The following MIPOL1 variants were observed in gnomAD, a reference collection of about 807,000 sequenced individuals.
MIPOL1 encodes the protein mirror-image polydactyly 1.
In MIPOL1, 57 loss-of-function variants were observed where a neutral mutation model predicts 60.9. The observed-to-expected ratio is 0.94, with a 90% CI of 0.76 to 1.17. The LOEUF is 1.17. MIPOL1 is among the 50% of genes most tolerant of loss of function. The pLI is 0.00. For synonymous variants in MIPOL1, 179 were observed against 168.8 expected (o/e 1.06, Z -0.47); for missense variants, 551 against 511.6 (o/e 1.08, Z -0.74).
rs146635581 is a variant in MIPOL1 at position 37,316,338 on chromosome 14, G to A, written c.828+7819G>A. Among the ~76,000 whole-genome samples the A allele has an allele frequency of 2.4e-3, 372 of 152,036 alleles. 3 individuals carry two copies. Among genetic ancestry groups the A allele is most frequent in the African/African-American group, 8.4e-3 (348 of 41,522 alleles). On this transcript the variant is annotated intron_variant, in intron 9 of 12. Coordinates refer to ENST00000684589, the MANE Select transcript of MIPOL1 (RefSeq NM_001388067.1). ...GAGCCACCATGCCCAGCCAGAAATT[G>A]TTTCTAAAAGATGAGCGTAGTCAGT...
chr14:37,274,442 C>T (rs1038605564), intron 6 of MIPOL1, among the ~76,000 whole-genome samples: 1 of 151,408 alleles, frequency 6.6e-6, no homozygotes, highest in Admixed American at 6.6e-5. Context: ...TTATTAAGCA[C>T]TTAAATGTTT....
intron 11 of MIPOL1, among the ~76,000 whole-genome samples, chr14:37,439,502 C>G (rs2094210201): frequency 6.6e-6 from 1 of 152,136 alleles, no homozygotes; most frequent in African/African-American, 2.4e-5. Flanking sequence ...TAAACTTATA[C>G]TCAAAAGAAA....
intron 9 of MIPOL1, among the ~76,000 whole-genome samples, chr14:37,330,645 T>A (rs542384310): frequency 6.6e-6 from 1 of 152,166 alleles, no homozygotes; most frequent in Admixed American, 6.5e-5. Context: ...AAAAGGGCTG[T>A]TATCAGAACA....
intron 6 of MIPOL1, among the ~76,000 whole-genome samples, chr14:37,281,191 G>A (rs1367732719): frequency 1.3e-5 from 2 of 152,082 alleles, no homozygotes; most frequent in Non-Finnish European, 2.9e-5. Context: ...CTTGAATAAG[G>A]GATGAGATGA....
At chr14:37,507,809 G>A (rs2095292706) in intron 12 of MIPOL1, 1 of 152,016 alleles carries the variant, frequency 6.6e-6, no homozygotes. Flanking sequence ...CTCTTCCTTA[G>A]TTTTTGCATT....
intron 6 of MIPOL1, among the ~76,000 whole-genome samples, chr14:37,282,224 C>G (rs898820164): frequency 8.1e-6 from 1 of 124,076 alleles, no homozygotes; most frequent in Admixed American, 9.5e-5. Context: ...CCCTCTTTGT[C>G]TAATATTGCA....
chr14:37,362,866 T>A (rs985258559), intron 9 of MIPOL1, among the ~76,000 whole-genome samples: 1 of 152,162 alleles, frequency 6.6e-6, no homozygotes, highest in Non-Finnish European at 1.5e-5. Context: ...TTTGATCTTC[T>A]ATCACTGATA....
chr14:37,542,203 G>T (rs535893086), intron 12 of MIPOL1, among the ~76,000 whole-genome samples: 1 of 152,084 alleles, frequency 6.6e-6, no homozygotes, highest in Admixed American at 6.5e-5. Flanking sequence ...CTCACTTCTT[G>T]GAGTTCTCAT....
intron 9 of MIPOL1, among the ~76,000 whole-genome samples, chr14:37,320,284 G>T (rs2088427495): frequency 7.9e-5 from 12 of 152,094 alleles, no homozygotes; most frequent in Admixed American, 7.2e-4. Context: ...TAAGTGAGTT[G>T]TTCCAGCTGT....
At chr14:37,423,291 TTTATAC>T (rs1241767993) in intron 11 of MIPOL1, among the ~76,000 whole-genome samples, 1 of 149,624 alleles carries the variant, frequency 6.7e-6, no homozygotes, top group African/African-American at 2.4e-5. Context: ...TATACATACA[TTTATAC>T]TTATACATAT....
intron 11 of MIPOL1, among the ~76,000 whole-genome samples, chr14:37,433,680 C>T (rs1438740583): frequency 6.6e-6 from 1 of 152,070 alleles, no homozygotes; most frequent in Non-Finnish European, 1.5e-5. Flanking sequence ...CTCAGCCTCC[C>T]AAGTAGCTGG....
intron 11 of MIPOL1, among the ~76,000 whole-genome samples, chr14:37,435,774 AT>A (rs1367530355): frequency 2.0e-5 from 3 of 150,528 alleles, no homozygotes; most frequent in East Asian, 2.0e-4. Flanking sequence ...GAATTTAAAA[AT>A]TTTTTATGTA....
At chr14:37,251,069 A>C (rs549968328) in intron 3 of MIPOL1, among the ~76,000 whole-genome samples, 1 of 151,976 alleles carries the variant, frequency 6.6e-6, no homozygotes, top group African/African-American at 2.4e-5. Context: ...TTTTATATGT[A>C]TATTTTTTAA....
At chr14:37,356,248 GAGT>G (rs1225309929) in intron 9 of MIPOL1, among the ~76,000 whole-genome samples, 1 of 151,746 alleles carries the variant, frequency 6.6e-6, no homozygotes, top group Non-Finnish European at 1.5e-5. Flanking sequence ...CCCACTTGAG[GAGT>G]CAGTCTGCCA....
intron 11 of MIPOL1, among the ~76,000 whole-genome samples, chr14:37,496,838 C>T (rs376861169): frequency 1.3e-5 from 2 of 152,056 alleles, no homozygotes; most frequent in Non-Finnish European, 2.9e-5. Flanking sequence ...GAGTCTGCAT[C>T]GCCAAGTCAA....
chr14:37,502,878 A>C (rs2095234471), intron 12 of MIPOL1: 1 of 152,188 alleles, frequency 6.6e-6, no homozygotes, highest in African/African-American at 2.4e-5. Context: ...ACCTTGAAAA[A>C]AGGTTACATG....
chr14:37,472,450 A>T lies in MIPOL1; in HGVS notation c.1032-27458A>T, dbSNP rs188571535. ...AATTATGGAGAAACTAACTAGTGAG[A>T]GTGTGCAGAGCACCTCAAAAATTCT... On this transcript the variant is annotated intron_variant, in intron 11 of 12. Coordinates refer to ENST00000684589, the MANE Select transcript of MIPOL1 (RefSeq NM_001388067.1). Among the ~76,000 whole-genome samples, 40 of 152,080 alleles carry T rather than the reference A, an allele frequency of 2.6e-4. No individual in the cohort carries two copies. In the East Asian group the frequency reaches 7.0e-3, roughly 27 times the overall value.
At position 37,548,587 on chromosome 14, in the gene MIPOL1, G is replaced by A. The variant is rs1421026164; in HGVS notation, c.*1616G>A. On this transcript the variant is annotated 3_prime_UTR_variant, in exon 13 of 13. Transcript: ENST00000684589. ...CTTGTCTCTGGGCTCTATTTGAAAC[G>A]TGTAACAGCTCCCTATGTGAAGAAA... The A allele has an allele frequency of 6.6e-6, 1 of 151,900 alleles. No individual in the cohort carries two copies. Among genetic ancestry groups the A allele is most frequent in the Non-Finnish European group, 1.5e-5 (1 of 67,862 alleles). The allele number at this position is 151,900 out of a possible 1,614,324, so 9.4% of individuals were successfully genotyped here.
At chr14:37,265,730 G>A (rs1466967894) in intron 3 of MIPOL1, among the ~76,000 whole-genome samples, 1 of 152,132 alleles carries the variant, frequency 6.6e-6, no homozygotes, top group Non-Finnish European at 1.5e-5. Flanking sequence ...CAGACTGGGA[G>A]TCTGAGGTGG....
Sources: allele counts gnomAD v4.1 joint callset (sites outside exome capture counted in the v4.1 genomes callset), GRCh38; gene constraint gnomAD v4.1.1; transcripts MANE v1.5; gene names NCBI Gene and HGNC (gene_info 2026-07-23, HGNC 2026-07-21).